KCNN3: variants seen among roughly 807,000 people sequenced by gnomAD.
KCNN3 encodes the protein small conductance calcium-activated potassium channel protein 3.
KCNN3 carries 16 observed loss-of-function variants against 62.9 expected under a neutral mutation model. The observed-to-expected ratio is 0.25, with a 90% CI of 0.17 to 0.39. The LOEUF is 0.39. Among genes scored for constraint, KCNN3 ranks in the 10% least tolerant of loss-of-function variants. The pLI is 1.00. For missense variants in KCNN3, 599 were observed against 949.4 expected (o/e 0.63, Z 4.85); for synonymous variants, 370 against 389.2 (o/e 0.95, Z 0.58).
At chr1:154,746,247 A>T (rs1163407272) in intron 3 of KCNN3, among the ~76,000 whole-genome samples, 3 of 152,186 alleles carry the variant, frequency 2.0e-5, no homozygotes, top group African/African-American at 7.2e-5. Context: ...GCCGCGTTAC[A>T]ATGGAGACAA....
intron 1 of KCNN3, among the ~76,000 whole-genome samples, chr1:154,838,695 G>T (rs1051597506): frequency 1.3e-5 from 2 of 152,094 alleles, no homozygotes; most frequent in South Asian, 2.1e-4. Context: ...CCGCCTCTGC[G>T]CTTCCTCCAC....
chr1:154,771,755 ATTCTGTGCCTTT>A (rs1052830897), intron 3 of KCNN3, among the ~76,000 whole-genome samples: 6 of 152,286 alleles, frequency 3.9e-5, no homozygotes, highest in Admixed American at 1.3e-4. Flanking sequence ...AATCAGGAAA[ATTCTGTGCCTTT>A]TTCCCACCTT....
intron 2 of KCNN3, among the ~76,000 whole-genome samples, chr1:154,785,852 C>T (rs565715938): frequency 2.0e-5 from 3 of 152,056 alleles, no homozygotes; most frequent in Non-Finnish European, 4.4e-5. Flanking sequence ...CAGCCATCCT[C>T]GGCCTTCCAA....
chr1:154,852,584 G>A (rs890893711), intron 1 of KCNN3, among the ~76,000 whole-genome samples: 6 of 152,092 alleles, frequency 3.9e-5, no homozygotes, highest in African/African-American at 1.2e-4. Flanking sequence ...AAAACTTAAT[G>A]TCTGATTGAG....
intron 1 of KCNN3, among the ~76,000 whole-genome samples, chr1:154,829,019 C>T (rs191108956): frequency 2.0e-5 from 3 of 152,354 alleles, no homozygotes; most frequent in South Asian, 2.1e-4. Context: ...ATTCCCCACC[C>T]GCTCCAACCC....
intron 3 of KCNN3, among the ~76,000 whole-genome samples, chr1:154,764,555 A>T (rs1244554836): frequency 1.3e-5 from 2 of 152,222 alleles, no homozygotes; most frequent in South Asian, 4.1e-4. Flanking sequence ...TTTTAAAAAA[A>T]ATATTTCTCT....
Position 154,708,185 on chromosome 1 carries a change from G to T in KCNN3, c.1987C>A (p.Leu663Met). ...TTGAAGCTGGCGGTGAGATGCTCCAGCTTCGACTCCAGGCTGCCAATCTGC... is the reference window on the plus strand; with the variant it reads ...TTGAAGCTGGCGGTGAGATGCTCCATCTTCGACTCCAGGCTGCCAATCTGC... Reference protein sequence around the residue: ...EKQIGSLESKLEHLTASFNSL... With the variant: ...EKQIGSLESKMEHLTASFNSL... Residue 663 changes from leucine to methionine, a missense_variant, in exon 8 of 8, where the codon CTG becomes ATG. By Grantham distance (15) the Leu-to-Met change is conservative. This residue lies in a region of KCNN3 where 288 missense variants were observed against 557.4 expected (regional missense o/e 0.52). Coordinates refer to ENST00000271915, the MANE Select transcript of KCNN3 (RefSeq NM_002249.6). 6.2e-7 allele frequency: 1 copy of T among 1,613,772 alleles called. No individual in the cohort carries two copies. Among genetic ancestry groups the T allele is most frequent in the Non-Finnish European group, 8.5e-7 (1 of 1,179,966 alleles).
At chr1:154,817,597 C>T (rs1466489551) in intron 2 of KCNN3, among the ~76,000 whole-genome samples, 3 of 152,204 alleles carry the variant, frequency 2.0e-5, no homozygotes, top group Admixed American at 6.5e-5. Context: ...GCATGATTTG[C>T]GCCAAGCTGG....
rs533075495 is a variant in KCNN3 at position 154,822,466 on chromosome 1, T to C, written c.934-282A>G. Among the ~76,000 whole-genome samples the C allele has an allele frequency of 2.0e-5, 3 of 152,356 alleles. No individual in the cohort carries two copies. In the East Asian group the frequency reaches 5.8e-4, roughly 29 times the overall value. ...AACGCTACTTGGGCATGATGTATTA[T>C]GTTTGTTATACACGGCTAGATTCAG... On this transcript the variant is annotated intron_variant, in intron 1 of 7. Coordinates refer to ENST00000271915, the MANE Select transcript of KCNN3 (RefSeq NM_002249.6).
intron 1 of KCNN3, among the ~76,000 whole-genome samples, chr1:154,858,533 C>A (rs1293243115): frequency 6.6e-6 from 1 of 152,180 alleles, no homozygotes; most frequent in African/African-American, 2.4e-5. Context: ...TGGGGAGAGA[C>A]CCCCCTGGAG....
chr1:154,775,766 T>A (rs1423531322), intron 2 of KCNN3, among the ~76,000 whole-genome samples: 1 of 152,120 alleles, frequency 6.6e-6, no homozygotes, highest in African/African-American at 2.4e-5. Flanking sequence ...CAGACATAGG[T>A]TTTCCCCAGC....
intron 7 of KCNN3, among the ~76,000 whole-genome samples, chr1:154,708,605 A>T (rs75596464): frequency 3.3e-4 from 50 of 152,162 alleles, no homozygotes; most frequent in African/African-American, 1.2e-3. Flanking sequence ...CTCTCAGCTC[A>T]CATGGCTGCT....
intron 1 of KCNN3, among the ~76,000 whole-genome samples, chr1:154,838,643 C>G (rs1476353994): frequency 6.6e-6 from 1 of 152,178 alleles, no homozygotes; most frequent in Non-Finnish European, 1.5e-5. Flanking sequence ...AGGACCGGCT[C>G]CGTTCTCGCC....
chr1:154,754,426 G>A (rs1010708950), intron 3 of KCNN3, among the ~76,000 whole-genome samples: 7 of 152,210 alleles, frequency 4.6e-5, no homozygotes, highest in South Asian at 2.1e-4. Context: ...CCAACAGCAC[G>A]TCTCCTCTTC....
chr1:154,721,973 C>T (rs924287174), intron 5 of KCNN3, among the ~76,000 whole-genome samples: 1 of 151,646 alleles, frequency 6.6e-6, no homozygotes, highest in African/African-American at 2.4e-5. Context: ...GACGTTGCCA[C>T]CAGAGTTGAT....
chr1:154,714,272 G>GTGGT (rs1700161024), intron 6 of KCNN3, among the ~76,000 whole-genome samples: 4 of 51,288 alleles, frequency 7.8e-5, no homozygotes, highest in African/African-American at 1.6e-4. Context: ...TGTGGTATGT[G>GTGGT]GTGTGTGTGG....
At chr1:154,746,278 G>A (rs777358310) in intron 3 of KCNN3, among the ~76,000 whole-genome samples, 3 of 152,160 alleles carry the variant, frequency 2.0e-5, no homozygotes, top group Non-Finnish European at 2.9e-5. Context: ...GTTGGGGCAC[G>A]GGGCCACTGC....
intron 2 of KCNN3, among the ~76,000 whole-genome samples, chr1:154,807,348 C>T (rs1427612815): frequency 6.6e-6 from 1 of 152,218 alleles, no homozygotes; most frequent in African/African-American, 2.4e-5. Flanking sequence ...ACAGCGCCAG[C>T]TGCTCCTTCC....
In KCNN3 at chr1:154,734,436, G is replaced by A. The variant is rs766826547; in HGVS notation, c.1449-1292C>T. On this transcript the variant is annotated intron_variant, in intron 3 of 7. Transcript: ENST00000271915. Reference sequence around the variant, plus strand: ...GAAGTCAGTTACCATTGGGGCTTCCGTGAGTTAATGCACACAACGTGCCGG... The same window carrying A: ...GAAGTCAGTTACCATTGGGGCTTCCATGAGTTAATGCACACAACGTGCCGG... 5.0e-4 allele frequency among the ~76,000 whole-genome samples: 76 copies of A among 152,326 alleles called. 1 individual carries two copies. The highest frequency in any genetic ancestry group is 2.4e-3 in the Admixed American group (36 of 15,310).
Sources: gnomAD v4.1 joint callset for allele counts (sites outside exome capture counted in the v4.1 genomes callset) on GRCh38, gnomAD v4.1.1 for gene constraint, gnomAD v4.1.1 regional missense constraint, MANE v1.5 for transcripts, NCBI Gene and HGNC (gene_info 2026-07-23, HGNC 2026-07-21) for gene names.